ITPRID1: variants seen among roughly 807,000 people sequenced by gnomAD.
ITPRID1 encodes protein ITPRID1.
A neutral mutation model predicts 95.4 loss-of-function variants in ITPRID1; 96 were observed. That is an observed-to-expected ratio of 1.01 (90% CI 0.85 to 1.19). The LOEUF is 1.19. Ranked by LOEUF, ITPRID1 falls within the 50% of genes most tolerant of loss-of-function variation. The pLI is 0.00. For synonymous variants in ITPRID1, 510 were observed against 453.6 expected (o/e 1.12, Z -1.58); for missense variants, 1,339 against 1,252.9 (o/e 1.07, Z -1.04).
At chr7:31,589,175 A>G (rs1047867695) in intron 10 of ITPRID1, among the ~76,000 whole-genome samples, 3 of 152,096 alleles carry the variant, frequency 2.0e-5, no homozygotes, top group African/African-American at 4.8e-5. Flanking sequence ...AATAAAAACT[A>G]TAATTCCTGA....
chr7:31,647,321 G>A (rs1476285566), intron 12 of ITPRID1, among the ~76,000 whole-genome samples: 2 of 152,118 alleles, frequency 1.3e-5, no homozygotes, highest in Admixed American at 1.3e-4. Flanking sequence ...ACAGGACATA[G>A]CTCTTGGACC....
At chr7:31,642,633 C>T (rs1338251611) in intron 11 of ITPRID1, 49 bp from the exon 12 acceptor site, 3 of 1,531,090 alleles carry the variant, frequency 2.0e-6, no homozygotes, top group African/African-American at 1.4e-5. Context: ...AAACCTATTG[C>T]CTCCTCCACT....
At chr7:31,622,250 C>T (rs1042577707) in intron 10 of ITPRID1, among the ~76,000 whole-genome samples, 44 of 148,920 alleles carry the variant, frequency 3.0e-4, no homozygotes, top group Admixed American at 1.2e-3. Flanking sequence ...CTGCACCAAG[C>T]GGACCTAATA....
intron 10 of ITPRID1, among the ~76,000 whole-genome samples, chr7:31,621,045 G>A (rs1375135662): frequency 2.0e-5 from 3 of 151,728 alleles, no homozygotes; most frequent in Non-Finnish European, 2.9e-5. Flanking sequence ...AGCAAGAAGG[G>A]AAGTTTAGAG....
intron 1 of ITPRID1, among the ~76,000 whole-genome samples, chr7:31,536,829 A>G (rs1007409185): frequency 4.6e-5 from 7 of 152,152 alleles, no homozygotes; most frequent in Admixed American, 1.3e-4. Flanking sequence ...TTCAGTCTTA[A>G]GCAGGCCTCA....
intron 10 of ITPRID1, among the ~76,000 whole-genome samples, chr7:31,617,734 T>C (rs1449725091): frequency 6.6e-6 from 1 of 152,162 alleles, no homozygotes; most frequent in Non-Finnish European, 1.5e-5. Flanking sequence ...TTAAGGATAA[T>C]ACTCTACCTA....
chr7:31,535,707 T>C (rs1385843605), intron 1 of ITPRID1, among the ~76,000 whole-genome samples: 1 of 152,114 alleles, frequency 6.6e-6, no homozygotes, highest in African/African-American at 2.4e-5. Flanking sequence ...TTGTTTATAC[T>C]TTATTTTTGA....
intron 10 of ITPRID1, among the ~76,000 whole-genome samples, chr7:31,629,606 T>C (rs1290489168): frequency 1.3e-5 from 2 of 152,318 alleles, no homozygotes; most frequent in East Asian, 3.9e-4. Context: ...GCAGTGCGAA[T>C]TTTATCTTTC....
chr7:31,531,421 A>C (rs1489978101), intron 1 of ITPRID1, among the ~76,000 whole-genome samples: 2 of 152,188 alleles, frequency 1.3e-5, no homozygotes, highest in African/African-American at 4.8e-5. Context: ...CATATGAGGA[A>C]GTGTTATGAT....
chr7:31,604,981 C>CA (rs930716960), intron 10 of ITPRID1, among the ~76,000 whole-genome samples: 1 of 151,814 alleles, frequency 6.6e-6, no homozygotes, highest in Non-Finnish European at 1.5e-5. Flanking sequence ...ACTAAAAATA[C>CA]AAAAAAATTA....
In ITPRID1 at chr7:31,553,566, A is replaced by G. The variant is rs377597277; in HGVS notation, c.163+379A>G. ...GGATCCTGCAGGAGGCATTGACAAA[A>G]ATTTTAATCATTTAAAGAGTAATAA... On this transcript the variant is annotated intron_variant, in intron 3 of 14. Coordinates refer to ENST00000615280, the MANE Select transcript of ITPRID1 (RefSeq NM_001257967.3). Among the ~76,000 whole-genome samples the G allele has an allele frequency of 9.2e-5, 14 of 152,328 alleles. No homozygotes were observed. The East Asian group carries it at 2.5e-3, about 27-fold the overall frequency.
intron 1 of ITPRID1, among the ~76,000 whole-genome samples, chr7:31,532,719 G>T (rs2128130574): frequency 6.6e-6 from 1 of 152,292 alleles, no homozygotes; most frequent in African/African-American, 2.4e-5. Flanking sequence ...TGAGGGAAAA[G>T]AAAACAGAAG....
chr7:31,562,858 C>G (rs913881054), intron 5 of ITPRID1, among the ~76,000 whole-genome samples: 3 of 152,126 alleles, frequency 2.0e-5, no homozygotes, highest in Non-Finnish European at 4.4e-5. Context: ...AGACCTGACC[C>G]AGGTCCCATA....
intron 1 of ITPRID1, among the ~76,000 whole-genome samples, chr7:31,516,686 C>A (rs539223401): frequency 6.6e-6 from 1 of 152,192 alleles, no homozygotes; most frequent in Non-Finnish European, 1.5e-5. Context: ...TCAATTAGAG[C>A]CTATGTGTCC....
intron 10 of ITPRID1, among the ~76,000 whole-genome samples, chr7:31,631,779 A>G (rs2128194596): frequency 6.6e-6 from 1 of 152,342 alleles, no homozygotes; most frequent in Non-Finnish European, 1.5e-5. Flanking sequence ...GTTACGTAGA[A>G]ATCTTCATAG....
chr7:31,620,013 G>C (rs1337794880), intron 10 of ITPRID1, among the ~76,000 whole-genome samples: 1 of 152,188 alleles, frequency 6.6e-6, no homozygotes, highest in Non-Finnish European at 1.5e-5. Context: ...TGCTAGCACA[G>C]CAGTCTGAGA....
At chr7:31,526,346 G>A (rs1337284076) in intron 1 of ITPRID1, among the ~76,000 whole-genome samples, 2 of 152,186 alleles carry the variant, frequency 1.3e-5, no homozygotes, top group African/African-American at 4.8e-5. Context: ...AGAAGCATTT[G>A]TACTTTTTGA....
At chr7:31,523,007 C>A (rs1002829340) in intron 1 of ITPRID1, among the ~76,000 whole-genome samples, 5 of 152,124 alleles carry the variant, frequency 3.3e-5, no homozygotes, top group Admixed American at 2.0e-4. Context: ...TCAGTTTCTT[C>A]ATCTGTGCAA....
chr7:31,540,705 T>A (rs1783905897), intron 1 of ITPRID1, among the ~76,000 whole-genome samples: 1 of 152,220 alleles, frequency 6.6e-6, no homozygotes, highest in Admixed American at 6.5e-5. Flanking sequence ...AAGACCTTTT[T>A]AAAGCCAAGC....
Sources: gnomAD v4.1 joint callset for allele counts (sites outside exome capture counted in the v4.1 genomes callset) on GRCh38, gnomAD v4.1.1 for gene constraint, MANE v1.5 for transcripts, NCBI Gene and HGNC (gene_info 2026-07-23, HGNC 2026-07-21) for gene names.